ASPH: variants seen among roughly 807,000 people sequenced by gnomAD.
The protein encoded by ASPH is aspartate beta-hydroxylase, also known as aspartyl/asparaginyl beta-hydroxylase.
Under a neutral mutation model 118.4 loss-of-function variants are expected in ASPH, and 100 were observed. That is an observed-to-expected ratio of 0.84 (90% confidence interval 0.72 to 1.00). ASPH has a LOEUF of 1.00. Among genes scored for constraint, ASPH ranks in the 50% least tolerant of loss-of-function variants. The pLI is 0.00. For synonymous variants in ASPH, 315 were observed against 325.6 expected (o/e 0.97, Z 0.35); for missense variants, 920 against 919.5 (o/e 1.00, Z -0.01).
At chr8:61,516,076 A>G (rs1810798268) in intron 24 of ASPH, among the ~76,000 whole-genome samples, 1 of 152,160 alleles carries the variant, frequency 6.6e-6, no homozygotes, top group Admixed American at 6.5e-5. Flanking sequence ...TTTATGTACC[A>G]TACACTGCTG....
chr8:61,664,972 C>T, intron 3 of ASPH: 1 of 1,150,594 alleles, frequency 8.7e-7, no homozygotes. Context: ...TATATTAATC[C>T]ATAAAAATTC....
chr8:61,678,843 C>T (rs575439794), intron 3 of ASPH, among the ~76,000 whole-genome samples: 4 of 152,172 alleles, frequency 2.6e-5, no homozygotes, highest in Admixed American at 6.6e-5. Flanking sequence ...CCAGTGAGAA[C>T]GTACCTTGGA....
chr8:61,604,364 A>T (rs1844962370), intron 14 of ASPH, among the ~76,000 whole-genome samples: 1 of 152,200 alleles, frequency 6.6e-6, no homozygotes, highest in Non-Finnish European at 1.5e-5. Flanking sequence ...TTTAGGGAGG[A>T]AAAAAAGACT....
intron 16 of ASPH, among the ~76,000 whole-genome samples, chr8:61,573,530 A>T (rs2131986570): frequency 6.6e-6 from 1 of 152,338 alleles, no homozygotes; most frequent in Middle Eastern, 3.4e-3. Context: ...AGACCAATGG[A>T]ACAGAACAGA....
At chr8:61,527,732 T>C (rs1339843619) in intron 21 of ASPH, among the ~76,000 whole-genome samples, 1 of 151,380 alleles carries the variant, frequency 6.6e-6, no homozygotes, top group African/African-American at 2.4e-5. Context: ...GCAGGGCAGG[T>C]GAGGAGTGTT....
intron 18 of ASPH, among the ~76,000 whole-genome samples, chr8:61,557,387 A>C (rs927244376): frequency 9.2e-5 from 14 of 152,262 alleles, no homozygotes; most frequent in African/African-American, 3.4e-4. Context: ...CTCCACAGCA[A>C]GCCAAAGATA....
chr8:61,672,049 T>C (rs111950232), intron 3 of ASPH, among the ~76,000 whole-genome samples: 6 of 152,300 alleles, frequency 3.9e-5, no homozygotes, highest in African/African-American at 1.2e-4. Flanking sequence ...CTCCGTCCCA[T>C]ACTGGAACAT....
intron 21 of ASPH, among the ~76,000 whole-genome samples, chr8:61,535,525 G>C (rs753187079): frequency 2.6e-5 from 4 of 152,168 alleles, no homozygotes; most frequent in Non-Finnish European, 4.4e-5. Flanking sequence ...TACATTCCTT[G>C]AAAGTTTCTG....
At chr8:61,610,898 C>G (rs1350809400) in intron 14 of ASPH, among the ~76,000 whole-genome samples, 1 of 152,206 alleles carries the variant, frequency 6.6e-6, no homozygotes, top group East Asian at 1.9e-4. Flanking sequence ...TAATTAAGTT[C>G]AAGGCGGTGA....
At chr8:61,623,732 A>G (rs963560241) in intron 13 of ASPH, 2 of 152,174 alleles carry the variant, frequency 1.3e-5, no homozygotes, top group African/African-American at 4.8e-5. Context: ...TCTCATGTTT[A>G]TTGCACTATT....
intron 24 of ASPH, among the ~76,000 whole-genome samples, chr8:61,513,300 C>G (rs2129615779): frequency 6.6e-6 from 1 of 152,322 alleles, no homozygotes. Flanking sequence ...TAGACTCTTT[C>G]TGTCCTCAGA....
intron 14 of ASPH, chr8:61,607,464 T>A: frequency 1.8e-6 from 1 of 569,940 alleles, no homozygotes; most frequent in Non-Finnish European, 3.1e-6. Flanking sequence ...AATGTATTTA[T>A]AATTTGAAAT....
At chr8:61,505,573 AG>A (rs1227312028) in intron 24 of ASPH, among the ~76,000 whole-genome samples, 3 of 151,742 alleles carry the variant, frequency 2.0e-5, no homozygotes, top group African/African-American at 7.3e-5. Flanking sequence ...TGGAACTGTA[AG>A]TGCAATTAAA....
Position 61,553,062 on chromosome 8 carries a change from C to T in ASPH, c.1595G>A (p.Gly532Glu), listed in dbSNP as rs747733029. 3.7e-6 allele frequency: 6 copies of T among 1,613,664 alleles called. No individual in the cohort carries two copies. Among genetic ancestry groups the T allele is most frequent in the Non-Finnish European group, 5.1e-6 (6 of 1,179,708 alleles). Reference protein sequence around the residue: ...TDDGRFYFHLGDAMQRVGNKE... With the variant: ...TDDGRFYFHLEDAMQRVGNKE... ...GTTCCCAACCCTCTGCATGGCATCCCCCAGGTGGAAATAAAATCTCCCATC... is the reference window on the plus strand; with the variant it reads ...GTTCCCAACCCTCTGCATGGCATCCTCCAGGTGGAAATAAAATCTCCCATC... Residue 532 changes from glycine (G) to glutamate (E), a missense_variant, in exon 20 of 25, where the codon GGG becomes GAG. By Grantham distance (98) the Gly-to-Glu change is moderately conservative. Transcript: ENST00000379454.
intron 15 of ASPH, among the ~76,000 whole-genome samples, chr8:61,581,526 T>A (rs983225127): frequency 6.6e-6 from 1 of 152,176 alleles, no homozygotes; most frequent in African/African-American, 2.4e-5. Context: ...AGTGGGGAAG[T>A]AGGAAGTTTT....
At chr8:61,591,229 G>C (rs1412024527) in intron 14 of ASPH, among the ~76,000 whole-genome samples, 2 of 152,082 alleles carry the variant, frequency 1.3e-5, no homozygotes, top group Non-Finnish European at 2.9e-5. Context: ...CTGTAGAAGG[G>C]GATATGGCAA....
chr8:61,643,921 T>A, intron 8 of ASPH, 24 bp downstream of exon 8: 3 of 1,592,446 alleles, frequency 1.9e-6, no homozygotes, highest in Non-Finnish European at 1.7e-6. Context: ...AAAACACATA[T>A]CAATAATTTT....
At chr8:61,707,007 C>T (rs185718726) in intron 1 of ASPH, among the ~76,000 whole-genome samples, 1 of 152,206 alleles carries the variant, frequency 6.6e-6, no homozygotes, top group Non-Finnish European at 1.5e-5. Context: ...TGTAAAAAAG[C>T]AACGTTTCAG....
intron 14 of ASPH, among the ~76,000 whole-genome samples, chr8:61,592,738 T>G (rs1390178266): frequency 1.3e-5 from 2 of 152,178 alleles, no homozygotes; most frequent in Non-Finnish European, 2.9e-5. Flanking sequence ...TCATAGCAAT[T>G]AACAGTTAAC....
Sources: allele counts gnomAD v4.1 joint callset (sites outside exome capture counted in the v4.1 genomes callset), GRCh38; gene constraint gnomAD v4.1.1; transcripts MANE v1.5; gene names NCBI Gene and HGNC (gene_info 2026-07-23, HGNC 2026-07-21).